GRIA4: variants seen among roughly 807,000 people sequenced by gnomAD.
The protein encoded by GRIA4 is glutamate ionotropic receptor AMPA type subunit 4.
GRIA4 carries 34 observed loss-of-function variants against 104.0 expected under a neutral mutation model. That is an observed-to-expected ratio of 0.33 (90% CI 0.25 to 0.44). The LOEUF (loss-of-function observed/expected upper bound fraction) is 0.44. Among genes scored for constraint, GRIA4 ranks in the 20% least tolerant of loss-of-function variants. The pLI is 1.00. For synonymous variants in GRIA4, 386 were observed against 381.9 expected, an observed-to-expected ratio of 1.01 and a Z score of -0.13; for missense variants, 750 against 1,096.5, an observed-to-expected ratio of 0.68 and a Z score of 4.46.
At chr11:105,914,446 A>T (rs1469509619) in intron 10 of GRIA4, among the ~76,000 whole-genome samples, 7 of 152,102 alleles carry the variant, frequency 4.6e-5, no homozygotes, top group Non-Finnish European at 1.5e-5. Flanking sequence ...CTTTCTAATA[A>T]ATATTTTGTT....
intron 3 of GRIA4, among the ~76,000 whole-genome samples, chr11:105,651,770 C>T (rs184535641): frequency 4.3e-4 from 65 of 151,998 alleles, no homozygotes; most frequent in African/African-American, 1.5e-3. Flanking sequence ...AGCCTATTGT[C>T]ATTTATCATT....
At chr11:105,625,124 G>C (rs765719974) in intron 3 of GRIA4, among the ~76,000 whole-genome samples, 5 of 152,002 alleles carry the variant, frequency 3.3e-5, no homozygotes, top group Admixed American at 6.6e-5. Flanking sequence ...AAGATAGACA[G>C]AGAGAGAGGC....
At chr11:105,681,273 T>C (rs1445485101) in intron 3 of GRIA4, among the ~76,000 whole-genome samples, 1 of 152,200 alleles carries the variant, frequency 6.6e-6, no homozygotes, top group Non-Finnish European at 1.5e-5. Flanking sequence ...CATGTCCTGA[T>C]TCTTAGCCAC....
In GRIA4 at chr11:105,974,979, CAA is replaced by C. The variant is rs1433642321; in HGVS notation, c.2544+537_2544+538del. The C allele has an allele frequency of 1.8e-5, 3 of 166,740 alleles. No individual in the cohort carries two copies. In the East Asian group the frequency reaches 4.7e-4, roughly 26 times the overall value. The allele number at this position is 166,740 out of a possible 1,614,324, so 10.3% of individuals were successfully genotyped here. ...AACCCAGACTGTTGCCTATTTTTGACAAAGTCATATTGTTTTCTGAGGACCAA... is the reference window on the plus strand; with the variant it reads ...AACCCAGACTGTTGCCTATTTTTGACAGTCATATTGTTTTCTGAGGACCAA... On this transcript the variant is annotated intron_variant, in intron 16 of 16. Coordinates refer to ENST00000282499, the MANE Select transcript of GRIA4 (RefSeq NM_000829.4).
intron 4 of GRIA4, among the ~76,000 whole-genome samples, chr11:105,816,114 C>T (rs766147108): frequency 3.3e-5 from 5 of 152,142 alleles, no homozygotes; most frequent in African/African-American, 4.8e-5. Flanking sequence ...TCTGCCCACA[C>T]GTCCTAGGTC....
At chr11:105,897,456 T>C (rs1190773259) in intron 6 of GRIA4, among the ~76,000 whole-genome samples, 1 of 151,938 alleles carries the variant, frequency 6.6e-6, no homozygotes, top group African/African-American at 2.4e-5. Context: ...TAAATACGAG[T>C]GGTGAGAGTG....
chr11:105,626,940 G>A (rs1950901133), intron 3 of GRIA4, among the ~76,000 whole-genome samples: 1 of 152,182 alleles, frequency 6.6e-6, no homozygotes, highest in African/African-American at 2.4e-5. Context: ...ATTTAGAGGA[G>A]CATAGATATT....
In GRIA4 at chr11:105,753,014, T is replaced by A. The variant is rs768978225; in HGVS notation, c.281T>A (p.Ile94Asn). 6.2e-7 allele frequency: 1 copy of A among 1,612,808 alleles called. No homozygotes were observed. Among genetic ancestry groups the A allele is most frequent in the Admixed American group, 1.7e-5 (1 of 59,988 alleles). ...CAGTATTCTAGAGGAGTATTTGCCA[T>A]TTTTGGACTCTATGATAAGAGGTCG... Reference protein sequence around the residue: ...CSQYSRGVFAIFGLYDKRSVH... With the variant: ...CSQYSRGVFANFGLYDKRSVH... Residue 94 changes from isoleucine (I) to asparagine (N), a missense_variant, in exon 4 of 17, where the codon ATT becomes AAT. By Grantham distance (149) the Ile-to-Asn change is moderately radical. Coordinates refer to ENST00000282499, the MANE Select transcript of GRIA4 (RefSeq NM_000829.4).
intron 13 of GRIA4, 91 bp downstream of exon 13, chr11:105,927,030 A>C: frequency 1.3e-6 from 1 of 793,674 alleles, no homozygotes; most frequent in African/African-American, 1.7e-5. Flanking sequence ...TTTAGCTATT[A>C]TAAGGTTTAC....
chr11:105,727,741 A>C (rs1031724758), intron 3 of GRIA4, among the ~76,000 whole-genome samples: 9 of 152,150 alleles, frequency 5.9e-5, no homozygotes, highest in African/African-American at 2.2e-4. Context: ...TAAAGAAAAA[A>C]ATTTTCAACC....
rs777736250 is a variant in GRIA4 at position 105,910,527 on chromosome 11, G to T, written c.1251G>T (p.Val417=). Residue 417 remains valine (V), a synonymous_variant, in exon 10 of 17, where the codon GTG becomes GTT. Transcript: ENST00000282499. ...NDTAAIENRT[V]VVTTIMESPY... is the part of the protein sequence containing the mutation. ...CAGCTGCTATTGAGAACAGAACAGT[G>T]GTTGTAACCACAATTATGGTAAGTG... is the stretch of plus-strand genomic sequence containing the variant. 83 of 1,545,484 alleles carry T rather than the reference G, an allele frequency of 5.4e-5. No individual in the cohort carries two copies. The highest frequency in any genetic ancestry group is 7.2e-5 in the Non-Finnish European group (80 of 1,117,564).
intron 3 of GRIA4, among the ~76,000 whole-genome samples, chr11:105,627,953 C>T (rs931218418): frequency 1.3e-5 from 2 of 152,144 alleles, no homozygotes; most frequent in Non-Finnish European, 2.9e-5. Flanking sequence ...AAATAAGAAT[C>T]TGTACTACAA....
intron 4 of GRIA4, among the ~76,000 whole-genome samples, chr11:105,847,344 T>C (rs1450975627): frequency 1.3e-5 from 2 of 152,154 alleles, no homozygotes; most frequent in Non-Finnish European, 2.9e-5. Flanking sequence ...TCTTGCTGTG[T>C]AGCCAAGTTG....
chr11:105,826,237 G>A (rs1943766353), intron 4 of GRIA4, among the ~76,000 whole-genome samples: 1 of 152,030 alleles, frequency 6.6e-6, no homozygotes. Context: ...GGGGTTCTAT[G>A]CCATGAAAAC....
intron 3 of GRIA4, among the ~76,000 whole-genome samples, chr11:105,748,402 G>T (rs1028178639): frequency 6.6e-6 from 1 of 151,246 alleles, no homozygotes; most frequent in Non-Finnish European, 1.5e-5. Context: ...TTTTTGAGAC[G>T]GAGTTTTGCT....
intron 9 of GRIA4, among the ~76,000 whole-genome samples, chr11:105,906,723 G>A (rs970152209): frequency 6.6e-6 from 1 of 152,078 alleles, no homozygotes; most frequent in Non-Finnish European, 1.5e-5. Flanking sequence ...GCAGCCGGGG[G>A]GCCCAGCTGC....
chr11:105,766,373 G>A (rs1940941691), intron 4 of GRIA4, among the ~76,000 whole-genome samples: 2 of 152,136 alleles, frequency 1.3e-5, no homozygotes, highest in South Asian at 2.1e-4. Flanking sequence ...TCTATGCATG[G>A]TAGTTGAAGT....
At chr11:105,888,203 A>G (rs952683402) in intron 6 of GRIA4, among the ~76,000 whole-genome samples, 5 of 146,108 alleles carry the variant, frequency 3.4e-5, no homozygotes, top group Non-Finnish European at 7.5e-5. Flanking sequence ...TTTATTATAG[A>G]GTACCATTTG....
At chr11:105,819,287 A>G (rs1175190858) in intron 4 of GRIA4, among the ~76,000 whole-genome samples, 1 of 152,132 alleles carries the variant, frequency 6.6e-6, no homozygotes, top group East Asian at 1.9e-4. Flanking sequence ...AACTCTTACT[A>G]TTTTTATGAC....
Sources: allele counts gnomAD v4.1 joint callset (sites outside exome capture counted in the v4.1 genomes callset), GRCh38; gene constraint gnomAD v4.1.1; transcripts MANE v1.5; gene names NCBI Gene and HGNC (gene_info 2026-07-23, HGNC 2026-07-21).